The following MOV10 variants were observed in gnomAD, a reference collection of about 807,000 sequenced individuals.
The protein encoded by MOV10 is RNA helicase MOV-10.
A neutral mutation model predicts 108.4 loss-of-function variants in MOV10; 39 were observed. The observed-to-expected ratio is 0.36, with a 90% confidence interval of 0.28 to 0.47. The LOEUF is 0.47. MOV10 is among the 20% of genes least tolerant of loss of function. MOV10 has a pLI of 1.00. For synonymous variants in MOV10, 490 were observed against 523.1 expected, an observed-to-expected ratio of 0.94 and a Z score of 0.86; for missense variants, 952 against 1,297.6, an observed-to-expected ratio of 0.73 and a Z score of 4.09.
At chr1:112,700,380 G>A in intron 20 of MOV10, 36 bp from the exon 21 acceptor site, 2 of 1,614,046 alleles carry the variant, frequency 1.2e-6, no homozygotes, top group Non-Finnish European at 1.7e-6. Flanking sequence ...CAGAGGAGGT[G>A]GTAAGGAAGA....
At position 112,698,268 on chromosome 1, in the gene MOV10, C is replaced by T. The variant is rs757251305; in HGVS notation, c.2317-19C>T. 7 of 1,608,384 alleles carry T rather than the reference C, an allele frequency of 4.4e-6. No homozygotes were observed. The highest frequency in any genetic ancestry group is 4.5e-5 in the East Asian group (2 of 44,798). ...GGGAGGGTGGTCTGGCTGACGGTTT[C>T]CCCCGACCCCATGTCCAGGGCTTTC... On this transcript the variant is annotated intron_variant, in intron 15 of 20. Coordinates refer to ENST00000369645, the MANE Select transcript of MOV10 (RefSeq NM_001321324.2).
intron 17 of MOV10, 36 bp downstream of exon 17, chr1:112,698,825 G>A (rs760765747): frequency 8.9e-6 from 14 of 1,575,280 alleles, no homozygotes; most frequent in African/African-American, 1.3e-5. Flanking sequence ...CCTGCCTTCC[G>A]TGTGCCCCCA....
At chr1:112,692,654 C>T (rs1673686887) in intron 6 of MOV10, 107 bp from the exon 7 acceptor site, 2 of 1,428,602 alleles carry the variant, frequency 1.4e-6, no homozygotes, top group South Asian at 1.4e-5. Context: ...CTTTTTGACG[C>T]TAGTTCCAGA....
At chr1:112,685,247 C>T (rs996007803) in intron 2 of MOV10, 17 of 150,614 alleles carry the variant, frequency 1.1e-4, no homozygotes, top group African/African-American at 4.2e-4. Context: ...TCAAGCAGTC[C>T]TACCACCTCA....
chr1:112,677,490 G>A (rs1258567883), intron 2 of MOV10, among the ~76,000 whole-genome samples: 1 of 152,014 alleles, frequency 6.6e-6, no homozygotes, highest in African/African-American at 2.4e-5. Flanking sequence ...GGGCTCTCAT[G>A]GCTCATTCTT....
In MOV10 at chr1:112,699,710, G is replaced by C; in HGVS notation, c.2609G>C (p.Gly870Ala). 3 of 1,614,184 alleles carry C rather than the reference G, an allele frequency of 1.9e-6. No homozygotes were observed. The highest frequency in any genetic ancestry group is 2.5e-6 in the Non-Finnish European group (3 of 1,180,038). ...LKVGSVEEFQ[G>A]QERSVILIST... ...GTGGGTTCAGTAGAAGAATTCCAAG[G>C]CCAAGAACGAAGCGTCATCCTCATC... The change falls in exon 18 of 21, where the codon GGC becomes GCC. Residue 870 changes from glycine (G) to alanine (A), a missense_variant. By Grantham distance (60) the Gly-to-Ala change is moderately conservative. Transcript: ENST00000369645.
chr1:112,685,737 C>CT (rs1010014844), intron 2 of MOV10, among the ~76,000 whole-genome samples: 5 of 151,050 alleles, frequency 3.3e-5, no homozygotes, highest in African/African-American at 1.2e-4. Flanking sequence ...AGGATTGGGG[C>CT]TTTTTTCCGA....
Position 112,674,863 on chromosome 1 carries a change from T to A in MOV10, c.-50T>A. The A allele has an allele frequency of 5.3e-6, 8 of 1,510,756 alleles. No homozygotes were observed. Among genetic ancestry groups the A allele is most frequent in the Non-Finnish European group, 7.1e-6 (8 of 1,133,290 alleles). The allele number at this position is 1,510,756 out of a possible 1,614,324, so 93.6% of individuals were successfully genotyped here. A position where few individuals can be genotyped will look rare whatever the true frequency, so the allele number is the denominator to read the frequency against. ...CAACTTCCAGCTGCAGCGGCGACTTTCAGTTTCATTTCCACGGACCCTCCT... is the reference window on the plus strand; with the variant it reads ...CAACTTCCAGCTGCAGCGGCGACTTACAGTTTCATTTCCACGGACCCTCCT... On this transcript the variant is annotated 5_prime_UTR_variant, in exon 2 of 21. Coordinates refer to ENST00000369645, the MANE Select transcript of MOV10 (RefSeq NM_001321324.2).
chr1:112,680,942 A>G (rs1187632334), intron 2 of MOV10, among the ~76,000 whole-genome samples: 2 of 151,660 alleles, frequency 1.3e-5, no homozygotes, highest in Non-Finnish European at 2.9e-5. Context: ...ACCTCAGGTG[A>G]TCACCTGCCT....
intron 14 of MOV10, among the ~76,000 whole-genome samples, chr1:112,697,689 G>A (rs1373932472): frequency 3.3e-5 from 5 of 152,172 alleles, no homozygotes; most frequent in Admixed American, 3.3e-4. Flanking sequence ...TGATAGTCAA[G>A]GAGAATTTGG....
intron 2 of MOV10, among the ~76,000 whole-genome samples, chr1:112,686,535 C>T (rs1427915342): frequency 6.6e-6 from 1 of 152,190 alleles, no homozygotes; most frequent in Non-Finnish European, 1.5e-5. Context: ...GAGATTCCTA[C>T]ACTTCCTTGA....
At position 112,699,681 on chromosome 1, in the gene MOV10, C is replaced by G. The variant is rs1172248515; in HGVS notation, c.2584-4C>G. The G allele has an allele frequency of 1.2e-6, 2 of 1,614,234 alleles. No homozygotes were observed. Among genetic ancestry groups the G allele is most frequent in the Non-Finnish European group, 1.7e-6 (2 of 1,180,034 alleles). On this transcript the variant is annotated splice_polypyrimidine_tract_variant and splice_region_variant and intron_variant, in intron 17 of 20. Transcript: ENST00000369645. ...GTCTCAGGCCCTGCCTCTTTCCCCACTAGGTGGGTTCAGTAGAAGAATTCC... is the reference window on the plus strand; with the variant it reads ...GTCTCAGGCCCTGCCTCTTTCCCCAGTAGGTGGGTTCAGTAGAAGAATTCC...
intron 16 of MOV10, 75 bp from the exon 17 acceptor site, chr1:112,698,640 C>T: frequency 6.6e-7 from 1 of 1,515,754 alleles, no homozygotes. Flanking sequence ...TTCCCCAGCT[C>T]CCTGGCCTCC....
At chr1:112,695,346 C>G (rs1673972535) in intron 10 of MOV10, 70 bp from the exon 11 acceptor site, 1 of 1,525,554 alleles carries the variant, frequency 6.6e-7, no homozygotes, top group African/African-American at 1.4e-5. Context: ...CATAGACTTG[C>G]CCTGCCCCAG....
chr1:112,697,784 T>C, intron 14 of MOV10: 1 of 603,182 alleles, frequency 1.7e-6, no homozygotes, highest in Non-Finnish European at 3.0e-6. Flanking sequence ...GTGGAGTCCC[T>C]GGACTAGATG....
chr1:112,689,207 T>C, intron 3 of MOV10, 69 bp downstream of exon 3: 1 of 1,475,656 alleles, frequency 6.8e-7, no homozygotes, highest in Non-Finnish European at 9.3e-7. Flanking sequence ...GCTATCTGTG[T>C]GAGGAAAGAG....
intron 2 of MOV10, among the ~76,000 whole-genome samples, chr1:112,681,514 C>T (rs569622182): frequency 3.0e-4 from 45 of 152,168 alleles, no homozygotes; most frequent in African/African-American, 8.0e-4. Context: ...TTATTCACAT[C>T]ATCCACGTCC....
rs551453724 is a variant in MOV10, at chr1:112,700,610, G to C, written c.*103G>C. 2.1e-3 allele frequency: 3,317 copies of C among 1,555,502 alleles called. 11 individuals are homozygous for C. The highest frequency in any genetic ancestry group is 2.6e-3 in the Non-Finnish European group (3,019 of 1,150,398). On this transcript the variant is annotated 3_prime_UTR_variant, in exon 21 of 21. Coordinates refer to ENST00000369645, the MANE Select transcript of MOV10 (RefSeq NM_001321324.2). ...GCCCCTCCAAGGGACAGGAAGGCTG[G>C]GGGAGGGAGTTTACAACCCAAGCCA...
At chr1:112,682,931 T>TG (rs1353072734) in intron 2 of MOV10, among the ~76,000 whole-genome samples, 1 of 151,234 alleles carries the variant, frequency 6.6e-6, no homozygotes, top group African/African-American at 2.4e-5. Context: ...CTTTTTTTTT[T>TG]TTTTTTGAGA....
Sources: gnomAD v4.1 joint callset for allele counts (sites outside exome capture counted in the v4.1 genomes callset) on GRCh38, gnomAD v4.1.1 for gene constraint, MANE v1.5 for transcripts, NCBI Gene and HGNC (gene_info 2026-07-23, HGNC 2026-07-21) for gene names.